The following CUL5 variants were observed in gnomAD, a reference collection of about 807,000 sequenced individuals.
CUL5 encodes the protein cullin-5.
CUL5 carries 26 observed loss-of-function variants against 108.8 expected under a neutral mutation model. That is an observed-to-expected ratio of 0.24 (90% CI 0.18 to 0.33). The LOEUF is 0.33. Ranked by LOEUF, CUL5 falls within the 10% of genes least tolerant of loss-of-function variation. The pLI is 1.00. For synonymous variants in CUL5, 334 were observed against 298.0 expected (o/e 1.12, Z -1.25); for missense variants, 524 against 909.2 (o/e 0.58, Z 5.45).
chr11:108,092,395 T>G (rs1034982984), intron 13 of CUL5, among the ~76,000 whole-genome samples: 4 of 152,312 alleles, frequency 2.6e-5, no homozygotes, highest in Admixed American at 1.3e-4. Context: ...TGTAAAAACT[T>G]GTAAACAAAT....
Position 108,046,333 on chromosome 11 carries a change from A to G in CUL5, c.198A>G (p.Lys66=). 1 of 1,612,988 alleles carries G rather than the reference A, an allele frequency of 6.2e-7. No individual in the cohort carries two copies. Residue 66 remains lysine (K), a synonymous_variant, in exon 3 of 19, where the codon AAA becomes AAG. Transcript: ENST00000393094. The part of the protein sequence containing the change: ...KGPAKIHQAL[K]EDILEFIKQA... ...CAGCAAAAATTCATCAGGCTTTAAA[A>G]GAAGATATTCTTGAGTTTATTAAGC...
At chr11:108,011,099 GAAGT>G (rs1198335705) in intron 1 of CUL5, among the ~76,000 whole-genome samples, 2 of 152,192 alleles carry the variant, frequency 1.3e-5, no homozygotes, top group African/African-American at 4.8e-5. Flanking sequence ...ACGTGTTTAA[GAAGT>G]AATTTTGTCC....
At chr11:108,013,163 G>C (rs1344288486) in intron 1 of CUL5, among the ~76,000 whole-genome samples, 1 of 151,892 alleles carries the variant, frequency 6.6e-6, no homozygotes, top group Non-Finnish European at 1.5e-5. Flanking sequence ...CTTCTCTTTT[G>C]GTTTTTATGA....
At chr11:108,100,857 C>T (rs1415421143) in intron 18 of CUL5, among the ~76,000 whole-genome samples, 1 of 151,998 alleles carries the variant, frequency 6.6e-6, no homozygotes, top group African/African-American at 2.4e-5. Context: ...GGTGAAACCC[C>T]GTCTCTACTA....
At chr11:108,019,907 A>G (rs1235536007) in intron 1 of CUL5, among the ~76,000 whole-genome samples, 2 of 152,124 alleles carry the variant, frequency 1.3e-5, no homozygotes, top group Non-Finnish European at 2.9e-5. Flanking sequence ...GGTGAAAGGG[A>G]TCCTGTGTGT....
chr11:108,095,517 T>C lies in CUL5; in HGVS notation c.1744-13T>C, dbSNP rs577286537. The C allele has an allele frequency of 9.2e-6, 14 of 1,516,754 alleles. No individual in the cohort carries two copies. In the East Asian group the frequency reaches 3.2e-4, roughly 35 times the overall value. 94.0% of individuals were successfully genotyped at this position (1,516,754 alleles called of 1,614,324 possible). A position where few individuals can be genotyped will look rare whatever the true frequency, so the allele number is the denominator to read the frequency against. On this transcript the variant is annotated splice_polypyrimidine_tract_variant and intron_variant, in intron 15 of 18. Transcript: ENST00000393094. ...TGAGATTCTTTATTAAAAATCTGTT[T>C]TATCTATTATAGATAACATTTAAGA...
chr11:108,075,363 T>C (rs1250544301), intron 10 of CUL5, among the ~76,000 whole-genome samples: 1 of 152,206 alleles, frequency 6.6e-6, no homozygotes, highest in Non-Finnish European at 1.5e-5. Context: ...TCTTGAAGTT[T>C]CCTGCCTGCC....
intron 2 of CUL5, among the ~76,000 whole-genome samples, chr11:108,040,372 G>T (rs1862864553): frequency 6.6e-6 from 1 of 152,146 alleles, no homozygotes; most frequent in African/African-American, 2.4e-5. Flanking sequence ...AGCACTTTGG[G>T]AGGCGAAGGC....
intron 1 of CUL5, among the ~76,000 whole-genome samples, chr11:108,027,405 G>A (rs915624770): frequency 5.3e-5 from 8 of 151,914 alleles, no homozygotes; most frequent in African/African-American, 1.5e-4. Flanking sequence ...CTGAGTAGCC[G>A]GGATTACTGG....
rs1378173719 is a variant in CUL5, at chr11:108,089,349, A to C, written c.1312-143A>C. 4 of 489,154 alleles carry C rather than the reference A, an allele frequency of 8.2e-6. No individual in the cohort carries two copies. In the East Asian group the frequency reaches 1.4e-4, roughly 18 times the overall value. 30.3% of individuals were successfully genotyped at this position (489,154 alleles called of 1,614,324 possible). A position where few individuals can be genotyped will look rare whatever the true frequency, so the allele number is the denominator to read the frequency against. On this transcript the variant is annotated intron_variant, in intron 12 of 18. Transcript: ENST00000393094. The stretch of plus-strand genomic sequence containing the variant: ...AGTGTATCAGGACTGGGTATTTCTC[A>C]GAGATGGATAATTCAGTAGGCCTCT...
intron 2 of CUL5, among the ~76,000 whole-genome samples, chr11:108,044,220 A>C (rs1863008008): frequency 6.6e-6 from 1 of 152,152 alleles, no homozygotes; most frequent in Non-Finnish European, 1.5e-5. Context: ...TAGTGTCTCT[A>C]AAAATTGGAA....
At chr11:108,057,099 A>G (rs1439158592) in intron 7 of CUL5, among the ~76,000 whole-genome samples, 2 of 152,202 alleles carry the variant, frequency 1.3e-5, no homozygotes, top group Non-Finnish European at 2.9e-5. Context: ...GTCATATCAT[A>G]GCCACATTAA....
In CUL5 at chr11:108,009,202, C is replaced by T. The variant is rs1235786661; in HGVS notation, c.-147C>T. On this transcript the variant is annotated 5_prime_UTR_variant, in exon 1 of 19. Coordinates refer to ENST00000393094, the MANE Select transcript of CUL5 (RefSeq NM_003478.6). Reference sequence around the variant, plus strand: ...CCTGGTGCTTGGGACGAGGTCAGCGCTGTCGGCGCGCTGCTCCAGCGCCCA... The same window carrying T: ...CCTGGTGCTTGGGACGAGGTCAGCGTTGTCGGCGCGCTGCTCCAGCGCCCA... 5.3e-6 allele frequency: 4 copies of T among 759,048 alleles called. No individual in the cohort carries two copies. The African/African-American group carries it at 7.0e-5, about 13-fold the overall frequency. 47.0% of individuals were successfully genotyped at this position (759,048 alleles called of 1,614,324 possible).
At position 108,009,375 on chromosome 11, in the gene CUL5, A is replaced by G. The variant is rs74879714; in HGVS notation, c.24+3A>G. 4.0e-4 allele frequency: 653 copies of G among 1,613,612 alleles called. 3 individuals carry two copies. In the African/African-American group the frequency reaches 7.8e-3, roughly 19 times the overall value. On this transcript the variant is annotated splice_donor_region_variant and intron_variant, in intron 1 of 18. Coordinates refer to ENST00000393094, the MANE Select transcript of CUL5 (RefSeq NM_003478.6). ...TGGCGACGTCTAATCTGTTAAAGGT[A>G]AGACCCTCACTCCAGCTTGGGTTTT...
At chr11:108,019,876 C>T (rs74333671) in intron 1 of CUL5, among the ~76,000 whole-genome samples, 4,013 of 152,146 alleles carry the variant, frequency 0.026, 183 homozygotes, top group African/African-American at 0.088. Flanking sequence ...GGTCCTCAGC[C>T]TGCTTCTACT....
At chr11:108,081,882 T>C (rs543743126) in intron 11 of CUL5, among the ~76,000 whole-genome samples, 1 of 152,380 alleles carries the variant, frequency 6.6e-6, no homozygotes, top group South Asian at 2.1e-4. Flanking sequence ...CGATAAGCTT[T>C]AAAAGCAAGA....
chr11:108,061,279 G>A (rs1016334241), intron 7 of CUL5, among the ~76,000 whole-genome samples: 9 of 152,230 alleles, frequency 5.9e-5, no homozygotes, highest in Middle Eastern at 3.4e-3. Context: ...TAAATGGGAA[G>A]AAATACAAAA....
intron 10 of CUL5, 45 bp from the exon 11 acceptor site, chr11:108,078,131 T>A (rs10890807): frequency 0.42 from 470,428 of 1,121,476 alleles, 103,704 homozygotes; most frequent in Admixed American, 0.55. Context: ...TTTATCTGTA[T>A]ATTTTCAATA....
chr11:108,049,866 A>G lies in CUL5; in HGVS notation c.235-24A>G, dbSNP rs201470793. On this transcript the variant is annotated intron_variant, in intron 3 of 18. Transcript: ENST00000393094. ...TTTCAAAGCAACTGCATTTATTTCA[A>G]ATTGGTACACCTCTTTTTTTCAGCG... is the stretch of plus-strand genomic sequence containing the variant. 774 of 1,579,064 alleles carry G rather than the reference A, an allele frequency of 4.9e-4. 12 individuals carry two copies. The South Asian group carries it at 8.1e-3, about 17-fold the overall frequency.
Sources: allele counts gnomAD v4.1 joint callset (sites outside exome capture counted in the v4.1 genomes callset), GRCh38; gene constraint gnomAD v4.1.1; transcripts MANE v1.5; gene names NCBI Gene and HGNC (gene_info 2026-07-23, HGNC 2026-07-21).